The following NDC1 variants were observed in gnomAD, a reference collection of about 807,000 sequenced individuals.
NDC1 encodes nucleoporin NDC1.
NDC1 carries 24 observed loss-of-function variants against 89.8 expected under a neutral mutation model. The observed-to-expected ratio is 0.27, with a 90% confidence interval of 0.19 to 0.38. The LOEUF (loss-of-function observed/expected upper bound fraction) is 0.38. Among genes scored for constraint, NDC1 ranks in the 10% least tolerant of loss-of-function variants. The probability of loss-of-function intolerance (pLI) is 1.00; values close to 1 mark genes in which losing one functional copy is unlikely to be tolerated. For synonymous variants in NDC1, 296 were observed against 284.8 expected (o/e 1.04, Z -0.39); for missense variants, 728 against 797.6 (o/e 0.91, Z 1.05).
At chr1:53,793,674 C>G (rs1210276372) in intron 13 of NDC1, among the ~76,000 whole-genome samples, 1 of 152,062 alleles carries the variant, frequency 6.6e-6, no homozygotes, top group Non-Finnish European at 1.5e-5. Flanking sequence ...TTACTGCCAC[C>G]TCAAATTTCT....
At chr1:53,792,025 C>T (rs1480309913) in intron 14 of NDC1, among the ~76,000 whole-genome samples, 1 of 151,902 alleles carries the variant, frequency 6.6e-6, no homozygotes, top group African/African-American at 2.4e-5. Context: ...TCACTGCAAG[C>T]TCCGCCTCCC....
chr1:53,813,682 G>A lies in NDC1; in HGVS notation c.704-3936C>T, dbSNP rs185463765. ...AGATAGACAGCAACACGATAGTGGG[G>A]GACTTCAATAATCCACTGACGACAC... On this transcript the variant is annotated intron_variant, in intron 6 of 17. Coordinates refer to ENST00000371429, the MANE Select transcript of NDC1 (RefSeq NM_018087.5). Among the ~76,000 whole-genome samples the A allele has an allele frequency of 3.9e-3, 593 of 151,788 alleles. 2 individuals are homozygous for A. The highest frequency in any genetic ancestry group is 0.013 in the African/African-American group (555 of 41,356).
intron 3 of NDC1, among the ~76,000 whole-genome samples, chr1:53,829,915 G>A (rs771831670): frequency 2.0e-5 from 3 of 152,216 alleles, no homozygotes; most frequent in Admixed American, 1.3e-4. Context: ...CACTTTGGGA[G>A]GCCAAGGTGG....
intron 4 of NDC1, 34 bp downstream of exon 4, chr1:53,827,964 AT>A (rs1255828978): frequency 6.6e-7 from 1 of 1,522,988 alleles, no homozygotes; most frequent in East Asian, 2.3e-5. Context: ...TAGTAAGTAA[AT>A]GAGATTCCTA....
At chr1:53,836,547 A>T (rs1384073333) in intron 1 of NDC1, among the ~76,000 whole-genome samples, 1 of 151,788 alleles carries the variant, frequency 6.6e-6, no homozygotes, top group Non-Finnish European at 1.5e-5. Flanking sequence ...CCCAGGCTAG[A>T]TGCAACAGTG....
rs369463581 is a variant in NDC1 at position 53,795,299 on chromosome 1, C to T, written c.1584+1390G>A. On this transcript the variant is annotated intron_variant, in intron 13 of 17. Transcript: ENST00000371429. ...TGTATTTACATTCAAGAGTTTGCAT[C>T]GAGTCTCATGCTTTGAATACTATCT... Among the ~76,000 whole-genome samples the T allele has an allele frequency of 5.9e-5, 9 of 152,134 alleles. No homozygotes were observed. The East Asian group carries it at 9.6e-4, about 16-fold the overall frequency.
At chr1:53,811,148 T>C (rs1047151658) in intron 6 of NDC1, among the ~76,000 whole-genome samples, 1 of 152,174 alleles carries the variant, frequency 6.6e-6, no homozygotes, top group Non-Finnish European at 1.5e-5. Context: ...TAGCAGGCCA[T>C]TCCTGCCTGG....
chr1:53,811,297 A>T (rs1212584224), intron 6 of NDC1, among the ~76,000 whole-genome samples: 1 of 152,164 alleles, frequency 6.6e-6, no homozygotes, highest in Admixed American at 6.5e-5. Flanking sequence ...GGAGAGGGCA[A>T]ATCTAATGTG....
At chr1:53,792,128 G>A (rs1216089154) in intron 14 of NDC1, among the ~76,000 whole-genome samples, 1 of 152,040 alleles carries the variant, frequency 6.6e-6, no homozygotes, top group Non-Finnish European at 1.5e-5. Flanking sequence ...ATTTTTAGTA[G>A]AGACAGGGTT....
intron 1 of NDC1, among the ~76,000 whole-genome samples, chr1:53,836,909 T>C (rs1206943485): frequency 1.3e-5 from 2 of 152,228 alleles, no homozygotes; most frequent in African/African-American, 2.4e-5. Context: ...TTCTTAGATA[T>C]GACACCAAAA....
chr1:53,835,935 A>G (rs553188365), intron 1 of NDC1, among the ~76,000 whole-genome samples: 11 of 152,318 alleles, frequency 7.2e-5, no homozygotes, highest in African/African-American at 2.6e-4. Context: ...ATATTAATAT[A>G]TAAAGGCTGT....
chr1:53,808,538 A>C (rs1312767394), intron 7 of NDC1, among the ~76,000 whole-genome samples: 1 of 152,208 alleles, frequency 6.6e-6, no homozygotes, highest in Non-Finnish European at 1.5e-5. Flanking sequence ...ACAGTGCTTG[A>C]CATTCACTGG....
chr1:53,832,145 A>G (rs1649087841), intron 3 of NDC1, among the ~76,000 whole-genome samples: 1 of 152,012 alleles, frequency 6.6e-6, no homozygotes, highest in Non-Finnish European at 1.5e-5. Flanking sequence ...CCAGCTCCCA[A>G]ACTTTTCCAT....
intron 16 of NDC1, among the ~76,000 whole-genome samples, chr1:53,772,797 A>T (rs952137625): frequency 6.6e-6 from 1 of 152,132 alleles, no homozygotes; most frequent in Admixed American, 6.5e-5. Flanking sequence ...CTTCAGTCCA[A>T]AGAATTAAGA....
chr1:53,789,271 T>C, intron 14 of NDC1, 75 bp from the exon 15 acceptor site: 1 of 881,290 alleles, frequency 1.1e-6, no homozygotes, highest in Non-Finnish European at 1.8e-6. Context: ...ATTAAATATG[T>C]AGACCACAAA....
Position 53,827,895 on chromosome 1 carries a change from C to T in NDC1, c.455+104G>A, listed in dbSNP as rs1279751406. On this transcript the variant is annotated intron_variant, in intron 4 of 17. Transcript: ENST00000371429. The stretch of plus-strand genomic sequence containing the variant: ...TGATATATGCAAAAAGCACCTTTTG[C>T]AGAAGTCTGGAAAGCAAAGAATACT... 7.2e-6 allele frequency: 6 copies of T among 833,922 alleles called. No homozygotes were observed. In the South Asian group the frequency reaches 1.8e-4, roughly 25 times the overall value. 51.7% of individuals were successfully genotyped at this position (833,922 alleles called of 1,614,324 possible).
intron 16 of NDC1, among the ~76,000 whole-genome samples, chr1:53,778,979 T>C (rs1368184199): frequency 1.3e-5 from 2 of 151,796 alleles, no homozygotes; most frequent in African/African-American, 2.4e-5. Flanking sequence ...CTGTCTCTAC[T>C]AAAAATACAA....
intron 2 of NDC1, among the ~76,000 whole-genome samples, chr1:53,834,872 C>G (rs374103393): frequency 3.3e-5 from 5 of 152,140 alleles, no homozygotes; most frequent in Admixed American, 6.6e-5. Flanking sequence ...CTTCGGGAGG[C>G]TGAGGCAGGT....
intron 5 of NDC1, among the ~76,000 whole-genome samples, chr1:53,823,752 T>C (rs1354326807): frequency 6.6e-6 from 1 of 152,202 alleles, no homozygotes; most frequent in Non-Finnish European, 1.5e-5. Context: ...CAAGTTGACA[T>C]CCTGCTTTTA....
Sources: allele counts gnomAD v4.1 joint callset (sites outside exome capture counted in the v4.1 genomes callset), GRCh38; gene constraint gnomAD v4.1.1; transcripts MANE v1.5; gene names NCBI Gene and HGNC (gene_info 2026-07-23, HGNC 2026-07-21).